Variants in DYSF observed in about 807,000 individuals in gnomAD.
DYSF encodes dysferlin, also known as dystrophy-associated fer-1-like 1.
DYSF carries 212 observed loss-of-function variants against 274.9 expected under a neutral mutation model. The ratio of observed to expected loss-of-function variants is 0.77; its 90% CI spans 0.69 to 0.86. DYSF has a LOEUF of 0.86. Ranked by LOEUF, DYSF falls within the 40% of genes least tolerant of loss-of-function variation. The pLI, the probability that DYSF is intolerant of heterozygous loss-of-function variation, is 0.00. For missense variants in DYSF, 2,666 were observed against 2,783.2 expected, an observed-to-expected ratio of 0.96 and a Z score of 0.95; for synonymous variants, 1,091 against 1,078.7, an observed-to-expected ratio of 1.01 and a Z score of -0.22.
At chr2:71,656,991 T>A (rs1448145840) in intron 43 of DYSF, among the ~76,000 whole-genome samples, 1 of 152,128 alleles carries the variant, frequency 6.6e-6, no homozygotes, top group East Asian at 1.9e-4. Flanking sequence ...CCCCCAAAGT[T>A]AACTCATTTC....
intron 39 of DYSF, 143 bp downstream of exon 39, chr2:71,612,949 G>A (rs185980493): frequency 3.1e-4 from 357 of 1,135,278 alleles, no homozygotes; most frequent in Non-Finnish European, 4.2e-4. Flanking sequence ...AGACCACAGG[G>A]TGGAGACCTT....
intron 32 of DYSF, among the ~76,000 whole-genome samples, chr2:71,592,866 G>A (rs568950687): frequency 1.2e-4 from 19 of 152,326 alleles, no homozygotes; most frequent in African/African-American, 4.6e-4. Context: ...TCGAATATTT[G>A]AGGAGATAGG....
At chr2:71,537,962 G>T (rs1225628435) in intron 16 of DYSF, among the ~76,000 whole-genome samples, 2 of 152,204 alleles carry the variant, frequency 1.3e-5, no homozygotes, top group African/African-American at 2.4e-5. Flanking sequence ...TTTGGGGCTG[G>T]AATATTCTTT....
intron 42 of DYSF, among the ~76,000 whole-genome samples, chr2:71,646,709 A>G (rs2152927339): frequency 6.6e-6 from 1 of 152,214 alleles, no homozygotes; most frequent in Admixed American, 6.5e-5. Context: ...GAAAATGCAT[A>G]GTAAAAAAAG....
In DYSF at chr2:71,641,807, T is replaced by C. The variant is rs1479033437; in HGVS notation, c.4528-2158T>C. 2.0e-5 allele frequency among the ~76,000 whole-genome samples: 3 copies of C among 152,316 alleles called. No homozygotes were observed. The East Asian group carries it at 5.8e-4, about 29-fold the overall frequency. On this transcript the variant is annotated intron_variant, in intron 41 of 55. Transcript: ENST00000410020. ...TTAAATTTCCAAAAGGTTAGTATTT[T>C]ATTTAAAATTTCTCATTTTTCTAGT...
At chr2:71,461,840 T>A (rs183751454), upstream of DYSF, among the ~76,000 whole-genome samples, 340 of 152,284 alleles carry the variant, frequency 2.2e-3, 1 homozygote, top group African/African-American at 7.1e-3. Context: ...TTAAATAGAC[T>A]TAAATGAGCA....
chr2:71,518,116 C>A (rs2086849356), intron 10 of DYSF, among the ~76,000 whole-genome samples: 1 of 152,122 alleles, frequency 6.6e-6, no homozygotes, highest in African/African-American at 2.4e-5. Flanking sequence ...GAGAGGGGAA[C>A]CCTGCCCCAG....
Position 71,664,287 on chromosome 2 carries a change from A to AC in DYSF, c.5024dup (p.Leu1676SerfsTer13). 6.2e-7 allele frequency: 1 copy of AC among 1,614,002 alleles called. No homozygotes were observed. The highest frequency in any genetic ancestry group is 8.5e-7 in the Non-Finnish European group (1 of 1,179,984). On this transcript the variant is annotated frameshift_variant, in exon 46 of 56. Coordinates refer to ENST00000410020, the MANE Select transcript of DYSF (RefSeq NM_001130987.2). LOFTEE classifies it high-confidence loss of function. ...CTGCAGGATGTTCGAGCTGACCTGC[A>AC]CTCTGCCTCTGGAGAAGGACCTAAA... is the stretch of plus-strand genomic sequence containing the variant.
At position 71,620,592 on chromosome 2, in the gene DYSF, C is replaced by T. The variant is rs1163282504; in HGVS notation, c.4510C>T (p.Pro1504Ser). The T allele has an allele frequency of 7.1e-6, 11 of 1,551,542 alleles. No individual in the cohort carries two copies. Among genetic ancestry groups the T allele is most frequent in the South Asian group, 1.2e-5 (1 of 84,056 alleles). ...CTTGGCCCCCACTAACACGGCTTCT[C>T]CTCCATCCAGTCCTCATGTATGTAC... ...SSLAPTNTAS[P>S]PSSPHEEEFI... Residue 1504 changes from proline to serine, a missense_variant, in exon 41 of 56, where the codon CCT (proline) becomes TCT (serine). Physicochemically the swap from Pro to Ser is moderately conservative, Grantham distance 74. Coordinates refer to ENST00000410020, the MANE Select transcript of DYSF (RefSeq NM_001130987.2).
intron 41 of DYSF, among the ~76,000 whole-genome samples, chr2:71,632,455 A>T (rs1252035235): frequency 6.6e-6 from 1 of 152,250 alleles, no homozygotes; most frequent in Non-Finnish European, 1.5e-5. Context: ...AATTGAATTT[A>T]GGAGAGCTAA....
At chr2:71,472,147 A>G (rs548141831) in intron 1 of DYSF, among the ~76,000 whole-genome samples, 2 of 152,210 alleles carry the variant, frequency 1.3e-5, no homozygotes, top group Non-Finnish European at 2.9e-5. Flanking sequence ...ATTTATATCC[A>G]GTGCTTAAAT....
At chr2:71,565,369 C>T (rs566793538) in intron 24 of DYSF, among the ~76,000 whole-genome samples, 16 of 151,846 alleles carry the variant, frequency 1.1e-4, no homozygotes, top group Non-Finnish European at 2.1e-4. Flanking sequence ...GGGATTCAGG[C>T]GTGAGCCACC....
chr2:71,563,100 C>G (rs924767534), intron 23 of DYSF, among the ~76,000 whole-genome samples: 2 of 152,200 alleles, frequency 1.3e-5, no homozygotes, highest in Non-Finnish European at 2.9e-5. Flanking sequence ...TGGGGCAAAC[C>G]TGAAAATATG....
At chr2:71,636,101 C>T (rs2094398255) in intron 41 of DYSF, among the ~76,000 whole-genome samples, 1 of 152,120 alleles carries the variant, frequency 6.6e-6, no homozygotes, top group Non-Finnish European at 1.5e-5. Context: ...TTGTTGGCTG[C>T]AGCAGCATGA....
intron 4 of DYSF, among the ~76,000 whole-genome samples, chr2:71,507,558 A>G (rs149311840): frequency 4.6e-5 from 7 of 152,160 alleles, no homozygotes; most frequent in Non-Finnish European, 8.8e-5. Flanking sequence ...GCGTCCCCAG[A>G]ATCTTGAACA....
chr2:71,535,353 A>AG lies in DYSF; in HGVS notation c.1493+47dup, dbSNP rs1289814009. ...GGAGTCTTTAGGGCGGGCTGTCCTG[A>AG]GGGGGCGCTGGGTCCCTCAGTTTCA... On this transcript the variant is annotated intron_variant, in intron 16 of 55. Coordinates refer to ENST00000410020, the MANE Select transcript of DYSF (RefSeq NM_001130987.2). The AG allele has an allele frequency of 1.9e-6, 3 of 1,593,854 alleles. No individual in the cohort carries two copies. In the Admixed American group the frequency reaches 5.0e-5, roughly 27 times the overall value.
At chr2:71,662,984 C>T (rs531884964) in intron 45 of DYSF, among the ~76,000 whole-genome samples, 1 of 152,088 alleles carries the variant, frequency 6.6e-6, no homozygotes, top group Middle Eastern at 3.4e-3. Context: ...GTCCATGTGT[C>T]TGCATATGTG....
At position 71,660,565 on chromosome 2, in the gene DYSF, T is replaced by C. The variant is rs780604882; in HGVS notation, c.4917T>C (p.Asp1639=). 6 of 1,613,772 alleles carry C rather than the reference T, an allele frequency of 3.7e-6. No homozygotes were observed. Among genetic ancestry groups the C allele is most frequent in the African/African-American group, 1.3e-5 (1 of 74,924 alleles). ...LQPKDPNGKC[D]PYIKISIGKK... The stretch of plus-strand genomic sequence containing the variant: ...TGTTTTGTCTCCTCCTCCAGTGTGA[T>C]CCTTACATCAAGATCTCCATAGGGA... Residue 1639 remains aspartate (D), a synonymous_variant, in exon 45 of 56, where the codon GAT becomes GAC. Transcript: ENST00000410020.
upstream of DYSF, among the ~76,000 whole-genome samples, chr2:71,466,350 C>A (rs1219430714): frequency 6.6e-6 from 1 of 152,246 alleles, no homozygotes; most frequent in African/African-American, 2.4e-5. Flanking sequence ...CTCCTTCTCA[C>A]CCTTTCGTCG....
Sources: allele counts gnomAD v4.1 joint callset (sites outside exome capture counted in the v4.1 genomes callset), GRCh38; gene constraint gnomAD v4.1.1; transcripts MANE v1.5; gene names NCBI Gene and HGNC (gene_info 2026-07-23, HGNC 2026-07-21).